Variants in ADAMTSL1 observed in about 807,000 individuals in gnomAD.
ADAMTSL1 encodes the protein ADAMTS like 1.
In ADAMTSL1, 126 loss-of-function variants were observed where a neutral mutation model predicts 201.8. That is an observed-to-expected ratio of 0.62 (90% CI 0.54 to 0.72). The LOEUF (loss-of-function observed/expected upper bound fraction) is 0.72. Ranked by LOEUF, ADAMTSL1 falls within the 30% of genes least tolerant of loss-of-function variation. The pLI is 0.00. For missense variants in ADAMTSL1, 2,679 were observed against 2,277.8 expected, an observed-to-expected ratio of 1.18 and a Z score of -3.59; for synonymous variants, 1,121 against 903.4, an observed-to-expected ratio of 1.24 and a Z score of -4.32.
chr9:18,426,525 G>C (rs1044477016), intron 2 of ADAMTSL1, among the ~76,000 whole-genome samples: 1 of 152,152 alleles, frequency 6.6e-6, no homozygotes. Flanking sequence ...CTACTAATAA[G>C]AGCTACTATT....
intron 2 of ADAMTSL1, among the ~76,000 whole-genome samples, chr9:18,305,479 C>T (rs80348232): frequency 6.6e-6 from 1 of 152,186 alleles, no homozygotes; most frequent in Non-Finnish European, 1.5e-5. Context: ...GCTGCCAGCA[C>T]AGCAGTCTGA....
At chr9:18,322,862 A>T (rs1436701004) in intron 2 of ADAMTSL1, among the ~76,000 whole-genome samples, 1 of 152,210 alleles carries the variant, frequency 6.6e-6, no homozygotes, top group Non-Finnish European at 1.5e-5. Context: ...AAATGTTACA[A>T]GAAAAAATAA....
intron 1 of ADAMTSL1, among the ~76,000 whole-genome samples, chr9:17,955,103 A>G (rs1478909286): frequency 2.0e-5 from 3 of 152,188 alleles, no homozygotes; most frequent in African/African-American, 7.2e-5. Context: ...TGTATACGAT[A>G]TATCGTGTGC....
At chr9:18,317,572 A>G (rs1834455327) in intron 2 of ADAMTSL1, among the ~76,000 whole-genome samples, 1 of 152,164 alleles carries the variant, frequency 6.6e-6, no homozygotes, top group African/African-American at 2.4e-5. Flanking sequence ...ATGCCTCAGG[A>G]AAGTTGGGGC....
At chr9:17,937,025 C>T (rs578110780) in intron 1 of ADAMTSL1, among the ~76,000 whole-genome samples, 38 of 152,088 alleles carry the variant, frequency 2.5e-4, no homozygotes, top group Non-Finnish European at 4.7e-4. Context: ...ACTGGCCCTC[C>T]GCTAGCCAGT....
At chr9:18,429,412 T>C (rs1437420651) in intron 2 of ADAMTSL1, among the ~76,000 whole-genome samples, 1 of 152,132 alleles carries the variant, frequency 6.6e-6, no homozygotes, top group Non-Finnish European at 1.5e-5. Flanking sequence ...TCTGTTTGGG[T>C]ATTGGGATCT....
intron 1 of ADAMTSL1, among the ~76,000 whole-genome samples, chr9:17,999,780 G>C (rs1235756432): frequency 6.8e-5 from 10 of 146,546 alleles, no homozygotes; most frequent in Non-Finnish European, 1.3e-4. Flanking sequence ...ACAGTCCCCA[G>C]AGTGTGATAT....
chr9:18,217,292 G>A (rs369762618), intron 2 of ADAMTSL1, among the ~76,000 whole-genome samples: 9 of 152,244 alleles, frequency 5.9e-5, no homozygotes, highest in African/African-American at 9.6e-5. Context: ...TAGATGAGGA[G>A]CCTGAGGCCC....
At chr9:18,109,826 G>C (rs901563507) in intron 1 of ADAMTSL1, among the ~76,000 whole-genome samples, 7 of 152,170 alleles carry the variant, frequency 4.6e-5, no homozygotes, top group Admixed American at 3.3e-4. Context: ...CTATGTGGGA[G>C]TAACCTGTAG....
chr9:18,439,676 T>C (rs1223922984), intron 2 of ADAMTSL1, among the ~76,000 whole-genome samples: 2 of 152,224 alleles, frequency 1.3e-5, no homozygotes. Flanking sequence ...ATAATAACTT[T>C]TTTAAAAAAT....
chr9:17,931,201 C>T (rs1826769582), intron 1 of ADAMTSL1, among the ~76,000 whole-genome samples: 1 of 152,182 alleles, frequency 6.6e-6, no homozygotes, highest in Non-Finnish European at 1.5e-5. Context: ...GCTTACCTGG[C>T]CATCCTTCAG....
At chr9:17,990,206 C>T (rs1819093986) in intron 1 of ADAMTSL1, among the ~76,000 whole-genome samples, 1 of 151,962 alleles carries the variant, frequency 6.6e-6, no homozygotes, top group Non-Finnish European at 1.5e-5. Flanking sequence ...GAGATGTTAT[C>T]TTCCGTCATA....
chr9:18,192,834 G>T (rs796491210), intron 2 of ADAMTSL1, among the ~76,000 whole-genome samples: 6 of 152,244 alleles, frequency 3.9e-5, no homozygotes, highest in African/African-American at 1.4e-4. Context: ...CCTATTCCTA[G>T]TAGGTTTTAT....
At chr9:18,470,840 C>G (rs1821180172), upstream of ADAMTSL1, among the ~76,000 whole-genome samples, 1 of 132,822 alleles carries the variant, frequency 7.5e-6, no homozygotes, top group Admixed American at 7.6e-5. Flanking sequence ...CTGACACTCT[C>G]TCTCTCTTGC....
At chr9:17,938,260 C>T (rs1048727481) in intron 1 of ADAMTSL1, among the ~76,000 whole-genome samples, 1 of 152,182 alleles carries the variant, frequency 6.6e-6, no homozygotes, top group Non-Finnish European at 1.5e-5. Context: ...TGTAAAATGA[C>T]ATAAGGCACA....
chr9:18,133,296 G>A (rs893154629), intron 1 of ADAMTSL1, among the ~76,000 whole-genome samples: 1 of 152,126 alleles, frequency 6.6e-6, no homozygotes, highest in Admixed American at 6.5e-5. Flanking sequence ...TCGGCAGTGA[G>A]GGGTCACCTC....
At chr9:18,269,083 A>AC (rs1832252366) in intron 2 of ADAMTSL1, among the ~76,000 whole-genome samples, 1 of 152,136 alleles carries the variant, frequency 6.6e-6, no homozygotes, top group Admixed American at 6.6e-5. Flanking sequence ...TAAGAAGAAA[A>AC]CCAGATATAT....
intron 1 of ADAMTSL1, among the ~76,000 whole-genome samples, chr9:17,924,534 C>T (rs1826443571): frequency 6.6e-6 from 1 of 150,376 alleles, no homozygotes; most frequent in Non-Finnish European, 1.5e-5. Flanking sequence ...GAACAGAGCC[C>T]TCAGAAATAA....
At chr9:18,884,030 A>G (rs1395672774) in intron 23 of ADAMTSL1, among the ~76,000 whole-genome samples, 3 of 152,186 alleles carry the variant, frequency 2.0e-5, no homozygotes, top group Non-Finnish European at 2.9e-5. Flanking sequence ...TTATATTCCC[A>G]CTAGCAATGC....
Sources: allele counts gnomAD v4.1 joint callset (sites outside exome capture counted in the v4.1 genomes callset), GRCh38; gene constraint gnomAD v4.1.1; transcripts MANE v1.5; gene names NCBI Gene and HGNC (gene_info 2026-07-23, HGNC 2026-07-21).